The following C2CD4B variants were observed in gnomAD, a reference collection of about 807,000 sequenced individuals.
C2CD4B encodes the protein C2 calcium dependent domain containing 4B.
For missense variants in C2CD4B, 644 were observed against 577.7 expected (o/e 1.11, Z -1.18); for synonymous variants, 347 against 284.9 (o/e 1.22, Z -2.20).
Position 62,164,803 on chromosome 15 carries a change from T to G in C2CD4B, c.182A>C (p.Glu61Ala). ...TGCCGCGCGGGGCCACAGGTCGCTT[T>G]CAGCGGCGCAGCGCCGGGGCACGGC... ...AAAVPRRCAAESDLWPRAADE... is the reference protein window; with the variant it reads ...AAAVPRRCAAASDLWPRAADE... Residue 61 changes from glutamate to alanine, a missense_variant, in exon 2 of 2, where the codon GAA (glutamate) becomes GCA (alanine). Physicochemically the swap from Glu to Ala is moderately radical, Grantham distance 107 (BLOSUM62 -1). Transcript: ENST00000380392. 1.4e-6 allele frequency: 2 copies of G among 1,471,770 alleles called. No homozygotes were observed. Among genetic ancestry groups the G allele is most frequent in the Non-Finnish European group, 1.8e-6 (2 of 1,122,566 alleles). 91.2% of individuals were successfully genotyped at this position (1,471,770 alleles called of 1,614,324 possible). A position where few individuals can be genotyped will look rare whatever the true frequency, so the allele number is the denominator to read the frequency against.
chr15:62,165,141 C>T lies in C2CD4B; in HGVS notation c.-41+54G>A, dbSNP rs1038450018. ...CCCCCACGTGTTTAAGACCCCAGAC[C>T]AGTTCCAGCCTTCCTCTCCCCTGCA... On this transcript the variant is annotated intron_variant, in intron 1 of 1. Transcript: ENST00000380392. 7.5e-6 allele frequency: 6 copies of T among 797,428 alleles called. No homozygotes were observed. The Admixed American group carries it at 2.2e-4, about 30-fold the overall frequency. The allele number at this position is 797,428 out of a possible 1,614,324, so 49.4% of individuals were successfully genotyped here.
rs2049587949 is a variant in C2CD4B at position 62,164,403 on chromosome 15, G to A, written c.582C>T (p.Arg194=). The change falls in exon 2 of 2, where the codon CGC becomes CGT. Residue 194 remains arginine (R), a synonymous_variant. Coordinates refer to ENST00000380392, the MANE Select transcript of C2CD4B (RefSeq NM_001007595.3). The part of the protein sequence containing the change: ...LSRALRAGRS[R]RLARVRSVSS... ...AGACGGAGCGGACGCGGGCCAGGCGGCGACTCCTTCCAGCCCGCAGCGCGC... is the reference window on the plus strand; with the variant it reads ...AGACGGAGCGGACGCGGGCCAGGCGACGACTCCTTCCAGCCCGCAGCGCGC... The A allele has an allele frequency of 7.1e-7, 1 of 1,417,484 alleles. No homozygotes were observed. Among genetic ancestry groups the A allele is most frequent in the Non-Finnish European group, 9.2e-7 (1 of 1,091,444 alleles). 87.8% of individuals were successfully genotyped at this position (1,417,484 alleles called of 1,614,324 possible).
At position 62,164,339 on chromosome 15, in the gene C2CD4B, C is replaced by G. The variant is rs1163191193; in HGVS notation, c.646G>C (p.Glu216Gln). The G allele has an allele frequency of 4.3e-6, 6 of 1,398,734 alleles. No homozygotes were observed. Among genetic ancestry groups the G allele is most frequent in the Admixed American group, 3.4e-5 (1 of 29,106 alleles). 86.6% of individuals were successfully genotyped at this position (1,398,734 alleles called of 1,614,324 possible). Reference sequence around the variant, plus strand: ...GAGGAGGGGGCCCGGGCCGGGGACTCGGATCCCGCGCGGCGCTCCTCGTCC... The same window carrying G: ...GAGGAGGGGGCCCGGGCCGGGGACTGGGATCCCGCGCGGCGCTCCTCGTCC... ...NEDEERRAGS[E>Q]SPARAPSSSP... The change falls in exon 2 of 2, where the codon GAG becomes CAG. Residue 216 changes from glutamate to glutamine, a missense_variant. Coordinates refer to ENST00000380392, the MANE Select transcript of C2CD4B (RefSeq NM_001007595.3).
Position 62,164,625 on chromosome 15 carries a change from C to G in C2CD4B, c.360G>C (p.Pro120=). The change falls in exon 2 of 2, where the codon CCG becomes CCC. Residue 120 remains proline, a synonymous_variant. Transcript: ENST00000380392. ...RRKESLLLGG[P]PAPRPRAHSC... is the part of the protein sequence containing the mutation. ...TGTGGGCCCGGGGCCGGGGCGCGGG[C>G]GGGCCCCCGAGCAGGAGCGACTCCT... is the stretch of plus-strand genomic sequence containing the variant. The G allele has an allele frequency of 7.7e-7, 1 of 1,298,396 alleles. No individual in the cohort carries two copies. The highest frequency in any genetic ancestry group is 9.7e-7 in the Non-Finnish European group (1 of 1,027,968). 80.4% of individuals were successfully genotyped at this position (1,298,396 alleles called of 1,614,324 possible). A position where few individuals can be genotyped will look rare whatever the true frequency, so the allele number is the denominator to read the frequency against.
At position 62,164,468 on chromosome 15, in the gene C2CD4B, G is replaced by A; in HGVS notation, c.517C>T (p.Arg173Cys). The change falls in exon 2 of 2, where the codon CGC (arginine) becomes TGC (cysteine). Residue 173 changes from arginine (R) to cysteine (C), a missense_variant. Transcript: ENST00000380392. ...TCGGGGACGCGCAGGAGGCGGCAGCGGCGGGGCCCCGCAGCGAGCGCGTCC... is the reference window on the plus strand; with the variant it reads ...TCGGGGACGCGCAGGAGGCGGCAGCAGCGGGGCCCCGCAGCGAGCGCGTCC... Reference protein sequence around the residue: ...PQDALAAGPRRCRLLRVPDGL... With the variant: ...PQDALAAGPRCCRLLRVPDGL... 7.8e-7 allele frequency: 1 copy of A among 1,282,572 alleles called. No homozygotes were observed. The allele number at this position is 1,282,572 out of a possible 1,614,324, so 79.4% of individuals were successfully genotyped here. A position where few individuals can be genotyped will look rare whatever the true frequency, so the allele number is the denominator to read the frequency against.
chr15:62,164,617 G>A lies in C2CD4B; in HGVS notation c.368C>T (p.Pro123Leu), dbSNP rs998281067. 67 of 1,279,026 alleles carry A rather than the reference G, an allele frequency of 5.2e-5. No homozygotes were observed. The African/African-American group carries it at 8.4e-4, about 16-fold the overall frequency. The allele number at this position is 1,279,026 out of a possible 1,614,324, so 79.2% of individuals were successfully genotyped here. A position where few individuals can be genotyped will look rare whatever the true frequency, so the allele number is the denominator to read the frequency against. ...ESLLLGGPPAPRPRAHSCGGG... is the reference protein window; with the variant it reads ...ESLLLGGPPALRPRAHSCGGG... ...GCCGCAGCTGTGGGCCCGGGGCCGG[G>A]GCGCGGGCGGGCCCCCGAGCAGGAG... The change falls in exon 2 of 2, where the codon CCC becomes CTC. Residue 123 changes from proline to leucine, a missense_variant. Coordinates refer to ENST00000380392, the MANE Select transcript of C2CD4B (RefSeq NM_001007595.3).
chr15:62,164,098 G>A lies in C2CD4B; in HGVS notation c.887C>T (p.Pro296Leu), dbSNP rs779656000. The A allele has an allele frequency of 5.9e-6, 9 of 1,519,692 alleles. No homozygotes were observed. The highest frequency in any genetic ancestry group is 2.0e-5 in the Admixed American group (1 of 49,038). The allele number at this position is 1,519,692 out of a possible 1,614,324, so 94.1% of individuals were successfully genotyped here. The change falls in exon 2 of 2, where the codon CCG becomes CTG. Residue 296 changes from proline (P) to leucine (L), a missense_variant. Physicochemically the swap from Pro to Leu is moderately conservative, Grantham distance 98. Transcript: ENST00000380392. ...RCRLSLVLRP[P>L]GTARWQCSAV... Reference sequence around the variant, plus strand: ...GCTGCATTGCCAACGCGCAGTGCCCGGCGGCCGCAGGACGAGGCTGAGGCG... The same window carrying A: ...GCTGCATTGCCAACGCGCAGTGCCCAGCGGCCGCAGGACGAGGCTGAGGCG...
rs1226368491 is a variant in C2CD4B, at chr15:62,164,993, G to C, written c.-9C>G. 1.1e-5 allele frequency: 16 copies of C among 1,513,250 alleles called. No individual in the cohort carries two copies. The highest frequency in any genetic ancestry group is 1.4e-5 in the African/African-American group (1 of 69,836). 93.7% of individuals were successfully genotyped at this position (1,513,250 alleles called of 1,614,324 possible). A position where few individuals can be genotyped will look rare whatever the true frequency, so the allele number is the denominator to read the frequency against. ...TTCTCGAGGAGCCGCATCCTTGGAG[G>C]CTGGGGCTAGGAGTGGCGGGAAGAG... On this transcript the variant is annotated 5_prime_UTR_variant, in exon 2 of 2. Transcript: ENST00000380392.
Position 62,163,978 on chromosome 15 carries a change from A to T in C2CD4B, c.1007T>A (p.Val336Asp). 6.3e-7 allele frequency: 1 copy of T among 1,597,824 alleles called. No homozygotes were observed. The highest frequency in any genetic ancestry group is 8.5e-7 in the Non-Finnish European group (1 of 1,174,868). Residue 336 changes from valine (V) to aspartate (D), a missense_variant, in exon 2 of 2, where the codon GTC (valine) becomes GAC (aspartate). Physicochemically the swap from Val to Asp is radical, Grantham distance 152 (BLOSUM62 -3). Coordinates refer to ENST00000380392, the MANE Select transcript of C2CD4B (RefSeq NM_001007595.3). ...GCCGCGACCCTCATCCCGGGCCTTG[A>T]CGCGAACGGCCAGGCGGCGCACCTC... The part of the protein sequence containing the change: ...EDEVRRLAVR[V>D]KARDEGRGRD...
At position 62,164,319 on chromosome 15, in the gene C2CD4B, G is replaced by A; in HGVS notation, c.666C>T (p.Pro222=). ...CCCTGGATGACAGCGGGCTCGAGGA[G>A]GGGGCCCGGGCCGGGGACTCGGATC... The part of the protein sequence containing the change: ...RAGSESPARA[P]SSSPLSSRAP... The change falls in exon 2 of 2, where the codon CCC becomes CCT. Residue 222 remains proline, a synonymous_variant. Coordinates refer to ENST00000380392, the MANE Select transcript of C2CD4B (RefSeq NM_001007595.3). The A allele has an allele frequency of 7.1e-7, 1 of 1,405,318 alleles. No homozygotes were observed. Among genetic ancestry groups the A allele is most frequent in the Non-Finnish European group, 9.2e-7 (1 of 1,089,064 alleles). The allele number at this position is 1,405,318 out of a possible 1,614,324, so 87.1% of individuals were successfully genotyped here.
Position 62,164,719 on chromosome 15 carries a change from G to C in C2CD4B, c.266C>G (p.Pro89Arg), listed in dbSNP as rs768402307. Residue 89 changes from proline (P) to arginine (R), a missense_variant, in exon 2 of 2, where the codon CCG becomes CGG. Physicochemically the swap from Pro to Arg is moderately radical, Grantham distance 103 (BLOSUM62 -2). Coordinates refer to ENST00000380392, the MANE Select transcript of C2CD4B (RefSeq NM_001007595.3). ...GGTGGTGCGCACACGGGGCAGGTGCGGCAGTGACAGCGCTGCCTGCGAGCG... is the reference window on the plus strand; with the variant it reads ...GGTGGTGCGCACACGGGGCAGGTGCCGCAGTGACAGCGCTGCCTGCGAGCG... ...DPRSQAALSL[P>R]HLPRVRTTYG... 37 of 1,477,794 alleles carry C rather than the reference G, an allele frequency of 2.5e-5. No homozygotes were observed. Among genetic ancestry groups the C allele is most frequent in the Non-Finnish European group, 3.1e-5 (35 of 1,124,242 alleles). The allele number at this position is 1,477,794 out of a possible 1,614,324, so 91.5% of individuals were successfully genotyped here. A position where few individuals can be genotyped will look rare whatever the true frequency, so the allele number is the denominator to read the frequency against.
chr15:62,164,020 T>C lies in C2CD4B; in HGVS notation c.965A>G (p.Asp322Gly). The change falls in exon 2 of 2, where the codon GAC becomes GGC. Residue 322 changes from aspartate to glycine, a missense_variant. Transcript: ENST00000380392. Reference protein sequence around the residue: ...KASFDQDFCFDGLSEDEVRRL... With the variant: ...KASFDQDFCFGGLSEDEVRRL... ...GCGCACCTCGTCTTCCGAGAGGCCG[T>C]CGAAGCAAAAGTCCTGGTCAAAGGA... is the stretch of plus-strand genomic sequence containing the variant. The C allele has an allele frequency of 6.2e-7, 1 of 1,600,680 alleles. No homozygotes were observed. Among genetic ancestry groups the C allele is most frequent in the Non-Finnish European group, 8.5e-7 (1 of 1,176,114 alleles).
In C2CD4B at chr15:62,164,836, CG is replaced by C; in HGVS notation, c.148del (p.Arg50GlyfsTer135). The C allele has an allele frequency of 6.8e-7, 1 of 1,465,796 alleles. No individual in the cohort carries two copies. Among genetic ancestry groups the C allele is most frequent in the South Asian group, 1.4e-5 (1 of 72,908 alleles). 90.8% of individuals were successfully genotyped at this position (1,465,796 alleles called of 1,614,324 possible). Reference sequence around the variant, plus strand: ...GCAGCGCCGGGGCACGGCGGCGGCCCGGATTGGAGACTCGAGCGTGCAAGGG... The same window carrying C: ...GCAGCGCCGGGGCACGGCGGCGGCCCGATTGGAGACTCGAGCGTGCAAGGG... Reference protein sequence around the residue: ...PAPCTLESPIRAAAVPRRCAA... With the variant: ...PAPCTLESPIXAAAVPRRCAA... On this transcript the variant is annotated frameshift_variant, in exon 2 of 2. Transcript: ENST00000380392. LOFTEE classifies it low-confidence loss of function (END_TRUNC).
chr15:62,164,457 G>C lies in C2CD4B; in HGVS notation c.528C>G (p.Leu176=). The C allele has an allele frequency of 7.7e-7, 1 of 1,295,494 alleles. No homozygotes were observed. Among genetic ancestry groups the C allele is most frequent in the African/African-American group, 1.5e-5 (1 of 64,554 alleles). 80.2% of individuals were successfully genotyped at this position (1,295,494 alleles called of 1,614,324 possible). A position where few individuals can be genotyped will look rare whatever the true frequency, so the allele number is the denominator to read the frequency against. ...ALAAGPRRCR[L]LRVPDGLLSR... ...TCAGCAGCCCGTCGGGGACGCGCAG[G>C]AGGCGGCAGCGGCGGGGCCCCGCAG... The change falls in exon 2 of 2, where the codon CTC becomes CTG. Residue 176 remains leucine (L), a synonymous_variant. Coordinates refer to ENST00000380392, the MANE Select transcript of C2CD4B (RefSeq NM_001007595.3).
rs376220329 is a variant in C2CD4B at position 62,165,029 on chromosome 15, G to C, written c.-40-5C>G. The C allele has an allele frequency of 1.3e-5, 19 of 1,465,774 alleles. No homozygotes were observed. The highest frequency in any genetic ancestry group is 4.0e-5 in the South Asian group (3 of 74,684). 90.8% of individuals were successfully genotyped at this position (1,465,774 alleles called of 1,614,324 possible). On this transcript the variant is annotated splice_region_variant and splice_polypyrimidine_tract_variant and intron_variant, in intron 1 of 1. Coordinates refer to ENST00000380392, the MANE Select transcript of C2CD4B (RefSeq NM_001007595.3). Reference sequence around the variant, plus strand: ...GAGTGGCGGGAAGAGGTGCGCCTGCGGGGGAGAGAAGCTGCTGAGTTTGGG... The same window carrying C: ...GAGTGGCGGGAAGAGGTGCGCCTGCCGGGGAGAGAAGCTGCTGAGTTTGGG...
In C2CD4B at chr15:62,164,335, G is replaced by C; in HGVS notation, c.650C>G (p.Ser217Cys). ...EDEERRAGSE[S>C]PARAPSSSPL... ...GCTCGAGGAGGGGGCCCGGGCCGGG[G>C]ACTCGGATCCCGCGCGGCGCTCCTC... Residue 217 changes from serine to cysteine, a missense_variant, in exon 2 of 2, where the codon TCC becomes TGC. Physicochemically the swap from Ser to Cys is moderately radical, Grantham distance 112 (BLOSUM62 -1). Transcript: ENST00000380392. The C allele has an allele frequency of 7.1e-7, 1 of 1,401,058 alleles. No homozygotes were observed. The highest frequency in any genetic ancestry group is 9.2e-7 in the Non-Finnish European group (1 of 1,087,340). The allele number at this position is 1,401,058 out of a possible 1,614,324, so 86.8% of individuals were successfully genotyped here. A position where few individuals can be genotyped will look rare whatever the true frequency, so the allele number is the denominator to read the frequency against.
Position 62,164,260 on chromosome 15 carries a change from G to C in C2CD4B, c.725C>G (p.Thr242Ser). ...PLPERLEAKG[T>S]VALGRAGDAL... The stretch of plus-strand genomic sequence containing the variant: ...GTCGCCGGCGCGGCCCAGAGCCACG[G>C]TGCCCTTGGCCTCCAGGCGCTCAGG... Residue 242 changes from threonine (T) to serine (S), a missense_variant, in exon 2 of 2, where the codon ACC becomes AGC. Coordinates refer to ENST00000380392, the MANE Select transcript of C2CD4B (RefSeq NM_001007595.3). 6.9e-7 allele frequency: 1 copy of C among 1,441,234 alleles called. No homozygotes were observed. The highest frequency in any genetic ancestry group is 9.0e-7 in the Non-Finnish European group (1 of 1,106,114). 89.3% of individuals were successfully genotyped at this position (1,441,234 alleles called of 1,614,324 possible).
Position 62,163,881 on chromosome 15 carries a change from G to C in C2CD4B, c.*9C>G. On this transcript the variant is annotated 3_prime_UTR_variant, in exon 2 of 2. Coordinates refer to ENST00000380392, the MANE Select transcript of C2CD4B (RefSeq NM_001007595.3). ...TCCAGGGCAGAGCGCCCCGGGGAGG[G>C]CTGGGCCCTCAGAGCAGCAGGAGGG... 6.7e-7 allele frequency: 1 copy of C among 1,490,232 alleles called. No homozygotes were observed. Among genetic ancestry groups the C allele is most frequent in the Admixed American group, 2.2e-5 (1 of 46,046 alleles). The allele number at this position is 1,490,232 out of a possible 1,614,324, so 92.3% of individuals were successfully genotyped here. A position where few individuals can be genotyped will look rare whatever the true frequency, so the allele number is the denominator to read the frequency against.
At position 62,164,802 on chromosome 15, in the gene C2CD4B, T is replaced by C; in HGVS notation, c.183A>G (p.Glu61=). 1 of 1,472,068 alleles carries C rather than the reference T, an allele frequency of 6.8e-7. No homozygotes were observed. Among genetic ancestry groups the C allele is most frequent in the Non-Finnish European group, 8.9e-7 (1 of 1,122,666 alleles). 91.2% of individuals were successfully genotyped at this position (1,472,068 alleles called of 1,614,324 possible). A position where few individuals can be genotyped will look rare whatever the true frequency, so the allele number is the denominator to read the frequency against. Reference sequence around the variant, plus strand: ...CTGCCGCGCGGGGCCACAGGTCGCTTTCAGCGGCGCAGCGCCGGGGCACGG... The same window carrying C: ...CTGCCGCGCGGGGCCACAGGTCGCTCTCAGCGGCGCAGCGCCGGGGCACGG... ...AAAVPRRCAA[E]SDLWPRAADE... The change falls in exon 2 of 2, where the codon GAA becomes GAG. Residue 61 remains glutamate, a synonymous_variant. Coordinates refer to ENST00000380392, the MANE Select transcript of C2CD4B (RefSeq NM_001007595.3).
Sources: allele counts gnomAD v4.1 joint callset, GRCh38; gene constraint gnomAD v4.1.1; transcripts MANE v1.5; gene names NCBI Gene and HGNC (gene_info 2026-07-23, HGNC 2026-07-21).